Variants in EML6 observed in about 807,000 individuals in gnomAD.
The protein encoded by EML6 is EMAP like 6.
A neutral mutation model predicts 240.1 loss-of-function variants in EML6; 154 were observed. That is an observed-to-expected ratio of 0.64 (90% CI 0.56 to 0.73). The LOEUF is 0.73. Among genes scored for constraint, EML6 ranks in the 30% least tolerant of loss-of-function variants. EML6 has a pLI of 0.00. For synonymous variants in EML6, 1,148 were observed against 899.0 expected, an observed-to-expected ratio of 1.28 and a Z score of -4.95; for missense variants, 2,964 against 2,474.6, an observed-to-expected ratio of 1.20 and a Z score of -4.20.
chr2:54,829,044 A>G (rs1668734056), intron 6 of EML6, among the ~76,000 whole-genome samples: 1 of 152,214 alleles, frequency 6.6e-6, no homozygotes, highest in Non-Finnish European at 1.5e-5. Flanking sequence ...CACATAAAAT[A>G]ATTTGATTCC....
intron 2 of EML6, among the ~76,000 whole-genome samples, chr2:54,757,533 G>C (rs1049559956): frequency 2.8e-4 from 42 of 152,090 alleles, no homozygotes; most frequent in Admixed American, 1.2e-3. Flanking sequence ...ATGGAGAGAG[G>C]TTTTATGGTT....
chr2:54,821,464 C>T (rs1355771329), intron 5 of EML6, among the ~76,000 whole-genome samples: 3 of 152,084 alleles, frequency 2.0e-5, no homozygotes, highest in Non-Finnish European at 4.4e-5. Flanking sequence ...CATTTATCTC[C>T]AAATTTATAT....
chr2:54,868,942 C>G (rs6725681), intron 14 of EML6: 5 of 444,270 alleles, frequency 1.1e-5, no homozygotes, highest in Non-Finnish European at 1.6e-5. Flanking sequence ...GCGCACACAA[C>G]AGCTGAGGAT....
intron 2 of EML6, among the ~76,000 whole-genome samples, chr2:54,765,523 C>T (rs1013199122): frequency 7.2e-5 from 11 of 152,140 alleles, no homozygotes; most frequent in Admixed American, 2.0e-4. Flanking sequence ...TGCAGTGGCA[C>T]GATCTCGGCT....
At chr2:54,826,129 T>C (rs567403899) in intron 5 of EML6, among the ~76,000 whole-genome samples, 1 of 152,350 alleles carries the variant, frequency 6.6e-6, no homozygotes, top group African/African-American at 2.4e-5. Flanking sequence ...GACAAAGATT[T>C]CAGTATTTTT....
At chr2:54,942,181 T>G (rs1360914916) in intron 28 of EML6, among the ~76,000 whole-genome samples, 1 of 152,208 alleles carries the variant, frequency 6.6e-6, no homozygotes, top group Non-Finnish European at 1.5e-5. Context: ...TTCTTCACTT[T>G]TGATGACAAA....
intron 9 of EML6, among the ~76,000 whole-genome samples, chr2:54,847,891 A>G (rs551948863): frequency 2.6e-5 from 4 of 152,220 alleles, no homozygotes; most frequent in Admixed American, 2.6e-4. Flanking sequence ...AGAAATAATC[A>G]TGTGTCATGT....
At chr2:54,930,060 T>A (rs944862166) in intron 28 of EML6, among the ~76,000 whole-genome samples, 4 of 152,086 alleles carry the variant, frequency 2.6e-5, no homozygotes, top group Non-Finnish European at 5.9e-5. Context: ...TCTAAAAAAA[T>A]GTTTCACCTG....
At chr2:54,826,766 G>A (rs1668617284) in intron 5 of EML6, among the ~76,000 whole-genome samples, 1 of 152,158 alleles carries the variant, frequency 6.6e-6, no homozygotes, top group Non-Finnish European at 1.5e-5. Context: ...TCAATTATTT[G>A]GGTATATGGA....
chr2:54,732,878 G>A (rs1291537003), intron 2 of EML6, among the ~76,000 whole-genome samples: 1 of 152,184 alleles, frequency 6.6e-6, no homozygotes, highest in African/African-American at 2.4e-5. Context: ...ACTCCCAAAG[G>A]TTTTTGCTTT....
chr2:54,795,608 G>A (rs1669722380), intron 2 of EML6, among the ~76,000 whole-genome samples: 1 of 152,052 alleles, frequency 6.6e-6, no homozygotes, highest in South Asian at 2.1e-4. Context: ...TATGCCCCCA[G>A]GGAATGTCTG....
At chr2:54,815,940 C>CA (rs1572943297) in intron 3 of EML6, among the ~76,000 whole-genome samples, 1 of 152,144 alleles carries the variant, frequency 6.6e-6, no homozygotes, top group African/African-American at 2.4e-5. Flanking sequence ...TTGACCCATA[C>CA]AACAATCCAA....
At chr2:54,849,679 A>T (rs922286900) in intron 9 of EML6, among the ~76,000 whole-genome samples, 1 of 152,154 alleles carries the variant, frequency 6.6e-6, no homozygotes, top group Non-Finnish European at 1.5e-5. Flanking sequence ...TCATAGAGAT[A>T]GGGTTTCACC....
intron 7 of EML6, among the ~76,000 whole-genome samples, chr2:54,838,014 T>TC (rs1669242656): frequency 6.6e-6 from 1 of 152,244 alleles, no homozygotes. Flanking sequence ...GCCATTTTCT[T>TC]CCCCAAATGG....
At chr2:54,950,223 C>G (rs1259146173) in intron 29 of EML6, among the ~76,000 whole-genome samples, 1 of 152,210 alleles carries the variant, frequency 6.6e-6, no homozygotes, top group African/African-American at 2.4e-5. Context: ...GCCTTTGACT[C>G]TATGTTCTGC....
At chr2:54,827,791 A>C (rs1386177266) in intron 6 of EML6, 40 bp downstream of exon 6, 2 of 1,454,348 alleles carry the variant, frequency 1.4e-6, no homozygotes, top group African/African-American at 1.4e-5. Flanking sequence ...TGACCTACCA[A>C]ATAAGGTAAG....
At chr2:54,934,828 G>A (rs1675053877) in intron 28 of EML6, among the ~76,000 whole-genome samples, 1 of 152,130 alleles carries the variant, frequency 6.6e-6, no homozygotes, top group South Asian at 2.1e-4. Flanking sequence ...TAGGATTCCA[G>A]GTGTGAGCCA....
intron 2 of EML6, among the ~76,000 whole-genome samples, chr2:54,732,536 T>C (rs574718836): frequency 4.1e-4 from 63 of 152,232 alleles, no homozygotes; most frequent in Non-Finnish European, 8.2e-4. Context: ...CCCAACATCG[T>C]TTGTTGAAAA....
intron 19 of EML6, among the ~76,000 whole-genome samples, 187 bp downstream of exon 19, chr2:54,892,843 G>C (rs1479272648): frequency 6.6e-6 from 1 of 152,176 alleles, no homozygotes; most frequent in Non-Finnish European, 1.5e-5. Context: ...TTCGTTTACA[G>C]TTGTTTCTTT....
Sources: allele counts gnomAD v4.1 joint callset (sites outside exome capture counted in the v4.1 genomes callset), GRCh38; gene constraint gnomAD v4.1.1; transcripts MANE v1.5; gene names NCBI Gene and HGNC (gene_info 2026-07-23, HGNC 2026-07-21).